The following NDUFA9 variants were observed in gnomAD, a reference collection of about 807,000 sequenced individuals.
NDUFA9 encodes the protein NADH dehydrogenase [ubiquinone] 1 alpha subcomplex subunit 9, mitochondrial.
A neutral mutation model predicts 45.9 loss-of-function variants in NDUFA9; 23 were observed. That is an observed-to-expected ratio of 0.50 (90% CI 0.36 to 0.71). The LOEUF (loss-of-function observed/expected upper bound fraction) is 0.71. Ranked by LOEUF, NDUFA9 falls within the 30% of genes least tolerant of loss-of-function variation. NDUFA9 has a pLI of 0.00. For synonymous variants in NDUFA9, 176 were observed against 170.5 expected (o/e 1.03, Z -0.25); for missense variants, 466 against 488.2 (o/e 0.95, Z 0.43).
chr12:4,651,696 A>G (rs1420645669), intron 1 of NDUFA9, among the ~76,000 whole-genome samples: 1 of 152,110 alleles, frequency 6.6e-6, no homozygotes, highest in Non-Finnish European at 1.5e-5. Context: ...AATTCTTCCC[A>G]GTTCATTGAC....
At chr12:4,659,582 G>A (rs1945812217) in intron 5 of NDUFA9, among the ~76,000 whole-genome samples, 2 of 152,158 alleles carry the variant, frequency 1.3e-5, no homozygotes, top group Admixed American at 1.3e-4. Context: ...AAGGGGCAAT[G>A]TGAAGGCTCA....
At chr12:4,656,152 T>G in intron 3 of NDUFA9, among the ~76,000 whole-genome samples, 1 of 152,230 alleles carries the variant, frequency 6.6e-6, no homozygotes, top group East Asian at 1.9e-4. Context: ...CATTTCATTT[T>G]CACATTTTCA....
chr12:4,670,383 A>G (rs1427850992), intron 8 of NDUFA9, among the ~76,000 whole-genome samples: 1 of 152,208 alleles, frequency 6.6e-6, no homozygotes, highest in Non-Finnish European at 1.5e-5. Flanking sequence ...AATTAACTAA[A>G]AGTCAAAAAC....
intron 6 of NDUFA9, among the ~76,000 whole-genome samples, chr12:4,665,077 C>T (rs1025741787): frequency 2.0e-5 from 3 of 152,212 alleles, no homozygotes; most frequent in African/African-American, 7.2e-5. Context: ...TATTTGGATG[C>T]GACTTTGGAG....
chr12:4,685,990 G>T (rs1945984206), intron 10 of NDUFA9, among the ~76,000 whole-genome samples: 1 of 152,230 alleles, frequency 6.6e-6, no homozygotes. Flanking sequence ...GTGTAGAGAA[G>T]ATGAGAAAGT....
At chr12:4,660,755 G>A (rs912458161) in intron 5 of NDUFA9, among the ~76,000 whole-genome samples, 1 of 152,176 alleles carries the variant, frequency 6.6e-6, no homozygotes, top group African/African-American at 2.4e-5. Flanking sequence ...ATGCCATTGA[G>A]AAGTCAAGCA....
chr12:4,670,765 A>G (rs1438723428), intron 8 of NDUFA9, among the ~76,000 whole-genome samples: 1 of 152,226 alleles, frequency 6.6e-6, no homozygotes, highest in Non-Finnish European at 1.5e-5. Flanking sequence ...GCAATCAGTT[A>G]TATAGTCTAG....
rs1458080805 is a variant in NDUFA9 at position 4,690,188 on chromosome 12, C to G, written c.*3080C>G. 6.6e-6 allele frequency: 1 copy of G among 152,238 alleles called. No individual in the cohort carries two copies. Among genetic ancestry groups the G allele is most frequent in the East Asian group, 1.9e-4 (1 of 5,188 alleles). The allele number at this position is 152,238 out of a possible 1,614,324, so 9.4% of individuals were successfully genotyped here. A position where few individuals can be genotyped will look rare whatever the true frequency, so the allele number is the denominator to read the frequency against. On this transcript the variant is annotated 3_prime_UTR_variant, in exon 11 of 11. Coordinates refer to ENST00000266544, the MANE Select transcript of NDUFA9 (RefSeq NM_005002.5). The stretch of plus-strand genomic sequence containing the variant: ...GATTCAGGTTGCACATTACCTGATT[C>G]TCACAGTTGATTTGAGCCTGCAAGA...
In NDUFA9 at chr12:4,649,140, C is replaced by T. The variant is rs771109850; in HGVS notation, c.14C>T (p.Ala5Val). MAAA[A>V]QSRVVRVLSM... Reference sequence around the variant, plus strand: ...TTGTGGGAAAAGATGGCGGCTGCCGCACAATCCCGGGTTGTCCGGGTCCTG... The same window carrying T: ...TTGTGGGAAAAGATGGCGGCTGCCGTACAATCCCGGGTTGTCCGGGTCCTG... Residue 5 changes from alanine to valine, a missense_variant, in exon 1 of 11, where the codon GCA becomes GTA. By Grantham distance (64) the Ala-to-Val change is moderately conservative (BLOSUM62 0). Coordinates refer to ENST00000266544, the MANE Select transcript of NDUFA9 (RefSeq NM_005002.5). 5.6e-6 allele frequency: 9 copies of T among 1,604,894 alleles called. No individual in the cohort carries two copies. The highest frequency in any genetic ancestry group is 2.2e-5 in the East Asian group (1 of 44,590).
rs563930908 is a variant in NDUFA9, at chr12:4,684,080, G to C, written c.897-1179G>C. On this transcript the variant is annotated intron_variant, in intron 9 of 10. Coordinates refer to ENST00000266544, the MANE Select transcript of NDUFA9 (RefSeq NM_005002.5). ...ATGACATGGCCCACTGAGGACACTA[G>C]AATAGAGACCTGAAGTGATCTGTTA... 2.6e-5 allele frequency among the ~76,000 whole-genome samples: 4 copies of C among 152,188 alleles called. No individual in the cohort carries two copies. The East Asian group carries it at 7.7e-4, about 29-fold the overall frequency.
intron 8 of NDUFA9, among the ~76,000 whole-genome samples, chr12:4,675,389 T>C (rs959493587): frequency 6.6e-6 from 1 of 150,524 alleles, no homozygotes; most frequent in East Asian, 2.0e-4. Context: ...CTGGTTTTTT[T>C]CAACAACATA....
chr12:4,669,817 G>C lies in NDUFA9; in HGVS notation c.800G>C (p.Gly267Ala). The C allele has an allele frequency of 1.9e-6, 3 of 1,607,088 alleles. No homozygotes were observed. The highest frequency in any genetic ancestry group is 2.6e-6 in the Non-Finnish European group (3 of 1,173,870). ...DANGKSFAFV[G>A]PSRYLLFHLV... is the part of the protein sequence containing the mutation. ...AATGGGAAATCCTTTGCTTTCGTTGGGTAAGTGCTTAGAGTTTGAATTTTA... is the reference window on the plus strand; with the variant it reads ...AATGGGAAATCCTTTGCTTTCGTTGCGTAAGTGCTTAGAGTTTGAATTTTA... Residue 267 changes from glycine to alanine, a missense_variant and splice_region_variant, in exon 8 of 11, where the codon GGT becomes GCT. By Grantham distance (60) the Gly-to-Ala change is moderately conservative. Coordinates refer to ENST00000266544, the MANE Select transcript of NDUFA9 (RefSeq NM_005002.5).
Position 4,682,249 on chromosome 12 carries a change from C to G in NDUFA9, c.845C>G (p.Ala282Gly), listed in dbSNP as rs1347323492. 6.2e-7 allele frequency: 1 copy of G among 1,613,172 alleles called. No homozygotes were observed. Among genetic ancestry groups the G allele is most frequent in the Non-Finnish European group, 8.5e-7 (1 of 1,179,546 alleles). The change falls in exon 9 of 11, where the codon GCT becomes GGT. Residue 282 changes from alanine to glycine, a missense_variant. Ala to Gly is a moderately conservative substitution (Grantham distance 60). Coordinates refer to ENST00000266544, the MANE Select transcript of NDUFA9 (RefSeq NM_005002.5). ...TTCCACCTGGTGAAGTACATCTTTG[C>G]TGTGGCTCACAGATTGTTCCTCCCA... The part of the protein sequence containing the change: ...LLFHLVKYIF[A>G]VAHRLFLPFP...
chr12:4,682,129 G>T, intron 8 of NDUFA9, 76 bp from the exon 9 acceptor site: 1 of 1,127,422 alleles, frequency 8.9e-7, no homozygotes, highest in Non-Finnish European at 1.3e-6. Flanking sequence ...TTTTTATAAG[G>T]AAAATGTTAT....
In NDUFA9 at chr12:4,692,362, C is replaced by A. The variant is rs1412020837; in HGVS notation, c.*5254C>A. The A allele has an allele frequency of 6.6e-6, 1 of 152,188 alleles. No individual in the cohort carries two copies. The highest frequency in any genetic ancestry group is 2.4e-5 in the African/African-American group (1 of 41,440). The allele number at this position is 152,188 out of a possible 1,614,324, so 9.4% of individuals were successfully genotyped here. On this transcript the variant is annotated 3_prime_UTR_variant, in exon 11 of 11. Coordinates refer to ENST00000266544, the MANE Select transcript of NDUFA9 (RefSeq NM_005002.5). ...ACTCTCCTCACCCCTTGTTCCTACT[C>A]CTACCATGTGAGGTGCTTGCTCCCT...
chr12:4,682,123 T>A (rs1221967617), intron 8 of NDUFA9, 82 bp from the exon 9 acceptor site: 1 of 1,076,836 alleles, frequency 9.3e-7, no homozygotes, highest in Non-Finnish European at 1.4e-6. Flanking sequence ...TTTCCTTTTT[T>A]ATAAGGAAAA....
chr12:4,649,274 C>A, intron 1 of NDUFA9, 99 bp downstream of exon 1: 1 of 1,360,098 alleles, frequency 7.4e-7, no homozygotes, highest in Non-Finnish European at 1.0e-6. Flanking sequence ...CGCCAACTTC[C>A]TAGGCACACT....
intron 6 of NDUFA9, among the ~76,000 whole-genome samples, chr12:4,663,363 G>T (rs187883248): frequency 2.0e-5 from 3 of 151,982 alleles, no homozygotes; most frequent in African/African-American, 4.8e-5. Context: ...GCTAAATTGC[G>T]CCCCCTCATA....
rs768816594 is a variant in NDUFA9, at chr12:4,687,097, G to A, written c.1123G>A (p.Val375Ile). The A allele has an allele frequency of 1.2e-5, 19 of 1,613,956 alleles. No individual in the cohort carries two copies. The highest frequency in any genetic ancestry group is 3.3e-5 in the Admixed American group (2 of 59,996). The change falls in exon 11 of 11, where the codon GTC becomes ATC. Residue 375 changes from valine to isoleucine, a missense_variant. By Grantham distance (29) the Val-to-Ile change is conservative. Coordinates refer to ENST00000266544, the MANE Select transcript of NDUFA9 (RefSeq NM_005002.5). ...EIEDVKPAKT[V>I]NI Reference sequence around the variant, plus strand: ...TGAGGATGTGAAGCCGGCCAAGACCGTCAACATTTAGTGCCTCCTGAGCAG... The same window carrying A: ...TGAGGATGTGAAGCCGGCCAAGACCATCAACATTTAGTGCCTCCTGAGCAG...
Sources: allele counts gnomAD v4.1 joint callset (sites outside exome capture counted in the v4.1 genomes callset), GRCh38; gene constraint gnomAD v4.1.1; transcripts MANE v1.5; gene names NCBI Gene and HGNC (gene_info 2026-07-23, HGNC 2026-07-21).